TMEM263: variants seen among roughly 807,000 people sequenced by gnomAD.
TMEM263 encodes transmembrane protein 263, also known as UPF0444 transmembrane protein C12orf23.
In TMEM263, 5 loss-of-function variants were observed where a neutral mutation model predicts 8.6. The observed-to-expected ratio is 0.58, with a 90% CI of 0.31 to 1.23. TMEM263 has a LOEUF of 1.23. TMEM263 is among the 50% of genes most tolerant of loss of function. TMEM263 has a pLI of 0.07. For synonymous variants in TMEM263, 50 were observed against 47.9 expected, an observed-to-expected ratio of 1.04 and a Z score of -0.18; for missense variants, 104 against 138.8, an observed-to-expected ratio of 0.75 and a Z score of 1.26.
At chr12:106,969,592 G>C (rs995882010) in intron 3 of TMEM263, among the ~76,000 whole-genome samples, 4 of 152,012 alleles carry the variant, frequency 2.6e-5, no homozygotes, top group African/African-American at 9.7e-5. Context: ...CGGGTGTGGT[G>C]GTGGGCACCT....
Position 106,963,581 on chromosome 12 carries a change from C to T in TMEM263, c.-6-3530C>T, listed in dbSNP as rs529754636. 1.2e-4 allele frequency among the ~76,000 whole-genome samples: 18 copies of T among 152,314 alleles called. No individual in the cohort carries two copies. The South Asian group carries it at 3.7e-3, about 32-fold the overall frequency. ...ACTGGACTACTAAAGTAGCCACTTA[C>T]TGTATTAATCTCTCTGTCCTTCCAT... On this transcript the variant is annotated intron_variant, in intron 2 of 3. Transcript: ENST00000280756.
chr12:106,966,999 C>A, intron 2 of TMEM263, 112 bp from the exon 3 acceptor site: 1 of 696,550 alleles, frequency 1.4e-6, no homozygotes, highest in Non-Finnish European at 2.5e-6. Flanking sequence ...ATAGTGGGTA[C>A]AAAATGTTGT....
chr12:106,957,161 CG>C lies in TMEM263; in HGVS notation c.-7+13del. 1.0e-6 allele frequency: 1 copy of C among 977,282 alleles called. No individual in the cohort carries two copies. The highest frequency in any genetic ancestry group is 1.2e-6 in the Non-Finnish European group (1 of 827,538). The allele number at this position is 977,282 out of a possible 1,614,324, so 60.5% of individuals were successfully genotyped here. A position where few individuals can be genotyped will look rare whatever the true frequency, so the allele number is the denominator to read the frequency against. On this transcript the variant is annotated intron_variant, in intron 2 of 3. Transcript: ENST00000280756. The stretch of plus-strand genomic sequence containing the variant: ...TACAACACCAACAGGTAAACGCGCG[CG>C]CCCGTGTGTGTGTGTGTGTGTGTGT...
At chr12:106,959,624 T>C (rs1446999939) in intron 2 of TMEM263, among the ~76,000 whole-genome samples, 1 of 152,248 alleles carries the variant, frequency 6.6e-6, no homozygotes, top group African/African-American at 2.4e-5. Flanking sequence ...GATTGGGGTC[T>C]ATTTATCTTC....
intron 2 of TMEM263, among the ~76,000 whole-genome samples, chr12:106,965,749 G>A (rs557018697): frequency 1.3e-5 from 2 of 151,912 alleles, no homozygotes; most frequent in Admixed American, 1.3e-4. Context: ...CCCCATTGGA[G>A]TATCCATTTC....
intron 2 of TMEM263, among the ~76,000 whole-genome samples, chr12:106,959,114 G>A (rs1751179387): frequency 6.6e-6 from 1 of 152,200 alleles, no homozygotes; most frequent in South Asian, 2.1e-4. Context: ...TGTGTAACAG[G>A]GTGCCTGTCG....
Position 106,959,793 on chromosome 12 carries a change from G to A in TMEM263, c.-7+2644G>A, listed in dbSNP as rs185336482. On this transcript the variant is annotated intron_variant, in intron 2 of 3. Transcript: ENST00000280756. ...ATATTTGTGTGCAGGACTTTGGAAT[G>A]GTTTATGTGAATGAAAAGTACAGAT... Among the ~76,000 whole-genome samples the A allele has an allele frequency of 8.3e-4, 126 of 152,186 alleles. 1 individual carries two copies. Among genetic ancestry groups the A allele is most frequent in the African/African-American group, 2.8e-3 (118 of 41,518 alleles).
chr12:106,967,285 T>G (rs1951859722), intron 3 of TMEM263, 105 bp downstream of exon 3: 1 of 739,938 alleles, frequency 1.4e-6, no homozygotes, highest in Admixed American at 3.5e-5. Context: ...TGAGACAGAG[T>G]CTTACTCTGT....
At chr12:106,958,665 C>T (rs1464224162) in intron 2 of TMEM263, among the ~76,000 whole-genome samples, 1 of 152,234 alleles carries the variant, frequency 6.6e-6, no homozygotes, top group Non-Finnish European at 1.5e-5. Context: ...AGTTTATTCA[C>T]ACTTCAGGAC....
intron 2 of TMEM263, among the ~76,000 whole-genome samples, chr12:106,960,042 C>CT (rs371635955): frequency 5.4e-5 from 8 of 149,278 alleles, no homozygotes; most frequent in Admixed American, 1.3e-4. Context: ...CAAAACTAAT[C>CT]TTTTTTTTTT....
intron 3 of TMEM263, among the ~76,000 whole-genome samples, chr12:106,969,542 C>T (rs1040153548): frequency 2.6e-5 from 4 of 151,888 alleles, no homozygotes; most frequent in Admixed American, 6.6e-5. Context: ...CTGACTAACA[C>T]GGTGAAACCC....
chr12:106,968,545 A>G (rs1403790434), intron 3 of TMEM263, among the ~76,000 whole-genome samples: 1 of 152,234 alleles, frequency 6.6e-6, no homozygotes, highest in Non-Finnish European at 1.5e-5. Flanking sequence ...TTTGTGAGAA[A>G]GAAATCAGAA....
chr12:106,967,307 G>A (rs934564074), intron 3 of TMEM263, 127 bp downstream of exon 3: 3 of 592,834 alleles, frequency 5.1e-6, no homozygotes, highest in Non-Finnish European at 8.2e-6. Flanking sequence ...AACCCAGGCT[G>A]GAGTGCAATG....
rs1315397902 is a variant in TMEM263, at chr12:106,973,290, G to T, written c.*1899G>T. ...AATAATTATCTAAATAATGGTATTG[G>T]AGAACTTGTTTCCTGCTATTTGGAA... On this transcript the variant is annotated 3_prime_UTR_variant, in exon 4 of 4. Transcript: ENST00000280756. 6.6e-6 allele frequency: 1 copy of T among 152,276 alleles called. No individual in the cohort carries two copies. The highest frequency in any genetic ancestry group is 1.5e-5 in the Non-Finnish European group (1 of 67,930). The allele number at this position is 152,276 out of a possible 1,614,324, so 9.4% of individuals were successfully genotyped here. A position where few individuals can be genotyped will look rare whatever the true frequency, so the allele number is the denominator to read the frequency against.
At position 106,956,068 on chromosome 12, in the gene TMEM263, G is replaced by T; in HGVS notation, c.-75+3G>T. The T allele has an allele frequency of 1.0e-6, 1 of 984,082 alleles. No homozygotes were observed. Among genetic ancestry groups the T allele is most frequent in the Non-Finnish European group, 1.2e-6 (1 of 828,724 alleles). 61.0% of individuals were successfully genotyped at this position (984,082 alleles called of 1,614,324 possible). A position where few individuals can be genotyped will look rare whatever the true frequency, so the allele number is the denominator to read the frequency against. On this transcript the variant is annotated splice_donor_region_variant and intron_variant, in intron 1 of 3. Transcript: ENST00000280756. ...TAGCGCTGGCCGCGACCCCGGCGGT[G>T]AGTGAGTCGGGATGCGAGGGCAGGG...
chr12:106,972,107 A>G lies in TMEM263; in HGVS notation c.*716A>G, dbSNP rs974584523. 6.6e-6 allele frequency: 1 copy of G among 152,612 alleles called. No individual in the cohort carries two copies. The highest frequency in any genetic ancestry group is 2.4e-5 in the African/African-American group (1 of 41,452). The allele number at this position is 152,612 out of a possible 1,614,324, so 9.5% of individuals were successfully genotyped here. ...TTTCCCTTTTTAGAATCTCAGGAGT[A>G]GTGGGGTAAAGACATTTCCTGCTGT... On this transcript the variant is annotated 3_prime_UTR_variant, in exon 4 of 4. Coordinates refer to ENST00000280756, the MANE Select transcript of TMEM263 (RefSeq NM_152261.4).
rs536505391 is a variant in TMEM263, at chr12:106,962,253, C to T, written c.-6-4858C>T. 6.6e-4 allele frequency among the ~76,000 whole-genome samples: 99 copies of T among 150,546 alleles called. No homozygotes were observed. In the South Asian group the frequency reaches 8.1e-3, roughly 12 times the overall value. On this transcript the variant is annotated intron_variant, in intron 2 of 3. Transcript: ENST00000280756. ...CCCCTGGCAATCTTTATTAATACTT[C>T]GGCATACTTTCTTCCAGTCTTTTTG...
In TMEM263 at chr12:106,955,973, C is replaced by A; in HGVS notation, c.-167C>A. 1.0e-6 allele frequency: 1 copy of A among 986,026 alleles called. No individual in the cohort carries two copies. Among genetic ancestry groups the A allele is most frequent in the Non-Finnish European group, 1.2e-6 (1 of 830,440 alleles). The allele number at this position is 986,026 out of a possible 1,614,324, so 61.1% of individuals were successfully genotyped here. On this transcript the variant is annotated 5_prime_UTR_variant, in exon 1 of 4. Transcript: ENST00000280756. ...CCGCGACTGCCCGGGGTTGTGCCGGCCGCCGCTGCCGCCCAGGCCGCCTCA... is the reference window on the plus strand; with the variant it reads ...CCGCGACTGCCCGGGGTTGTGCCGGACGCCGCTGCCGCCCAGGCCGCCTCA...
chr12:106,957,413 A>G (rs972018633), intron 2 of TMEM263, among the ~76,000 whole-genome samples: 1 of 151,676 alleles, frequency 6.6e-6, no homozygotes, highest in Admixed American at 6.6e-5. Context: ...CGGTTGCTAC[A>G]TTGGACAAAT....
Sources: allele counts gnomAD v4.1 joint callset (sites outside exome capture counted in the v4.1 genomes callset), GRCh38; gene constraint gnomAD v4.1.1; transcripts MANE v1.5; gene names NCBI Gene and HGNC (gene_info 2026-07-23, HGNC 2026-07-21).